CYP2S1: variants seen among roughly 807,000 people sequenced by gnomAD.
CYP2S1 encodes cytochrome P450 family 2 subfamily S member 1.
Under a neutral mutation model 43.5 loss-of-function variants are expected in CYP2S1, and 32 were observed. The ratio of observed to expected loss-of-function variants is 0.74; its 90% CI spans 0.56 to 0.99. CYP2S1 has a LOEUF of 0.99. Ranked by LOEUF, CYP2S1 falls within the 50% of genes least tolerant of loss-of-function variation. The probability of loss-of-function intolerance (pLI) is 0.00; values close to 1 mark genes in which losing one functional copy is unlikely to be tolerated. For missense variants in CYP2S1, 575 were observed against 673.9 expected (o/e 0.85, Z 1.62); for synonymous variants, 283 against 302.9 (o/e 0.93, Z 0.68).
At chr19:41,205,325 CCTTTCTTTCTTTCTTTTTTTCTTT>C (rs1485459932) in intron 7 of CYP2S1, among the ~76,000 whole-genome samples, 99 of 116,406 alleles carry the variant, frequency 8.5e-4, no homozygotes, top group South Asian at 5.0e-3. Flanking sequence ...CTATTCTTTG[CCTTTCTTTCTTTCTTTTTTTCTTT>C]CTTTCTTTCT....
intron 1 of CYP2S1, 106 bp from the exon 2 acceptor site, chr19:41,194,438 C>T (rs338600): frequency 0.72 from 999,811 of 1,382,760 alleles, 362,348 homozygotes; most frequent in Middle Eastern, 0.8. Context: ...TGGTAGAGGG[C>T]GTAGAAGCTA....
Position 41,206,060 on chromosome 19 carries a change from C to A in CYP2S1, c.1267C>A (p.Arg423=), listed in dbSNP as rs759226367. 1 of 1,614,088 alleles carries A rather than the reference C, an allele frequency of 6.2e-7. No homozygotes were observed. The highest frequency in any genetic ancestry group is 2.2e-5 in the East Asian group (1 of 44,852). Residue 423 remains arginine, a synonymous_variant, in exon 8 of 9, where the codon CGG becomes AGG. Coordinates refer to ENST00000310054, the MANE Select transcript of CYP2S1 (RefSeq NM_030622.8). ...AGACCGTTTCCTGGATGCAGATGGA[C>A]GGTTCAGGAAGCATGAGGCGTTCCT... is the stretch of plus-strand genomic sequence containing the variant. ...NPDRFLDADG[R]FRKHEAFLPF...
rs200261766 is a variant in CYP2S1, at chr19:41,206,663, A to C, written c.*175A>C. On this transcript the variant is annotated 3_prime_UTR_variant, in exon 9 of 9. Transcript: ENST00000310054. ...ACACGCTCACTTGACTCATGCTGCT[A>C]AGATGCACAACCGCACACCCATACA... 186 of 858,270 alleles carry C rather than the reference A, an allele frequency of 2.2e-4. 1 individual carries two copies. In the African/African-American group the frequency reaches 2.3e-3, roughly 11 times the overall value. The allele number at this position is 858,270 out of a possible 1,614,324, so 53.2% of individuals were successfully genotyped here.
rs1032112703 is a variant in CYP2S1, at chr19:41,205,971, TC to T, written c.1183del (p.Leu395SerfsTer41). The T allele has an allele frequency of 2.5e-6, 4 of 1,613,712 alleles. No homozygotes were observed. Among genetic ancestry groups the T allele is most frequent in the African/African-American group, 2.7e-5 (2 of 74,830 alleles). On this transcript the variant is annotated frameshift_variant, in exon 8 of 9. Transcript: ENST00000310054. LOFTEE classifies it high-confidence loss of function. ...ATTTCCCCTCAGGGCACGGAGGTCTTCCCCCTCCTTGGCTCCATCCTGCATG... is the reference window on the plus strand; with the variant it reads ...ATTTCCCCTCAGGGCACGGAGGTCTTCCCCTCCTTGGCTCCATCCTGCATG... ...GYTLPQGTEV[F>X]PLLGSILHDP...
intron 6 of CYP2S1, among the ~76,000 whole-genome samples, chr19:41,202,711 G>T (rs779539370): frequency 6.6e-6 from 1 of 151,872 alleles, no homozygotes; most frequent in Non-Finnish European, 1.5e-5. Flanking sequence ...GATCACCTGA[G>T]CCCAGGAGGT....
chr19:41,193,582 C>G, intron 1 of CYP2S1, 141 bp downstream of exon 1: 1 of 1,333,266 alleles, frequency 7.5e-7, no homozygotes, highest in African/African-American at 1.5e-5. Flanking sequence ...TGCTGCTGTC[C>G]TGGGGTTGGG....
chr19:41,203,415 C>T, intron 6 of CYP2S1, 35 bp from the exon 7 acceptor site: 1 of 1,547,264 alleles, frequency 6.5e-7, no homozygotes, highest in South Asian at 1.2e-5. Flanking sequence ...CTGGGCCCTA[C>T]CCCCGTCTGA....
intron 2 of CYP2S1, among the ~76,000 whole-genome samples, chr19:41,196,497 G>T (rs2033414707): frequency 6.6e-6 from 1 of 152,130 alleles, no homozygotes; most frequent in Non-Finnish European, 1.5e-5. Context: ...GAGGATCCAG[G>T]GTGATGGGGA....
chr19:41,194,084 C>G (rs186344857), intron 1 of CYP2S1, among the ~76,000 whole-genome samples: 1 of 151,822 alleles, frequency 6.6e-6, no homozygotes, highest in East Asian at 1.9e-4. Flanking sequence ...GTTTCCCATT[C>G]AAAAGGATTC....
chr19:41,193,299 C>A lies in CYP2S1; in HGVS notation c.35C>A (p.Ala12Glu). Reference sequence around the variant, plus strand: ...ACCGGCACCTGGGCGCTGCTGCTGGCGCTGGCGCTGCTCCTGCTGCTGACG... The same window carrying A: ...ACCGGCACCTGGGCGCTGCTGCTGGAGCTGGCGCTGCTCCTGCTGCTGACG... ...EATGTWALLL[A>E]LALLLLLTLA... is the part of the protein sequence containing the mutation. Residue 12 changes from alanine to glutamate, a missense_variant, in exon 1 of 9, where the codon GCG (alanine) becomes GAG (glutamate). This residue lies in a region of CYP2S1 where 353 missense variants were observed against 367.6 expected (regional missense o/e 0.96). Coordinates refer to ENST00000310054, the MANE Select transcript of CYP2S1 (RefSeq NM_030622.8). 2.6e-6 allele frequency: 4 copies of A among 1,541,544 alleles called. No homozygotes were observed. Among genetic ancestry groups the A allele is most frequent in the Non-Finnish European group, 3.5e-6 (4 of 1,144,712 alleles).
At chr19:41,196,492 T>G (rs1458424960) in intron 2 of CYP2S1, among the ~76,000 whole-genome samples, 3 of 151,654 alleles carry the variant, frequency 2.0e-5, no homozygotes, top group East Asian at 3.9e-4. Context: ...ATAGGGAGGA[T>G]CCAGGGTGAT....
At position 41,206,277 on chromosome 19, in the gene CYP2S1, C is replaced by G. The variant is rs1568402970; in HGVS notation, c.1307-3C>G. 6.2e-7 allele frequency: 1 copy of G among 1,613,966 alleles called. No homozygotes were observed. The highest frequency in any genetic ancestry group is 2.2e-5 in the East Asian group (1 of 44,856). ...GCCCTCTCTCTCTCTCTCTCCTCACCAGGGAAGCGTGTCTGCCTTGGAGAG... is the reference window on the plus strand; with the variant it reads ...GCCCTCTCTCTCTCTCTCTCCTCACGAGGGAAGCGTGTCTGCCTTGGAGAG... On this transcript the variant is annotated splice_region_variant and splice_polypyrimidine_tract_variant and intron_variant, in intron 8 of 8. Coordinates refer to ENST00000310054, the MANE Select transcript of CYP2S1 (RefSeq NM_030622.8).
chr19:41,197,322 A>G (rs1345374060), intron 2 of CYP2S1, among the ~76,000 whole-genome samples: 1 of 152,164 alleles, frequency 6.6e-6, no homozygotes, highest in Non-Finnish European at 1.5e-5. Flanking sequence ...TTTATTGAGC[A>G]CCTACTGAGT....
rs781702795 is a variant in CYP2S1, at chr19:41,203,474, G to C, written c.1001G>C (p.Arg334Pro). 2 of 1,607,564 alleles carry C rather than the reference G, an allele frequency of 1.2e-6. No homozygotes were observed. The highest frequency in any genetic ancestry group is 1.7e-5 in the Admixed American group (1 of 59,298). Residue 334 changes from arginine (R) to proline (P), a missense_variant, in exon 7 of 9, where the codon CGG (arginine) becomes CCG (proline). This residue lies in a region of CYP2S1 where 222 missense variants were observed against 306.3 expected (regional missense o/e 0.72). Coordinates refer to ENST00000310054, the MANE Select transcript of CYP2S1 (RefSeq NM_030622.8). ...VQKWVREELN[R>P]ELGAGQAPSL... ...GAGTGGGTACGTGAGGAGCTGAATC[G>C]GGAGCTGGGGGCTGGCCAGGCACCA...
intron 6 of CYP2S1, among the ~76,000 whole-genome samples, chr19:41,202,370 A>G (rs1458635231): frequency 2.6e-5 from 4 of 152,134 alleles, no homozygotes; most frequent in Admixed American, 6.6e-5. Context: ...AGGTCCTGGT[A>G]GTGTTGCAGG....
At chr19:41,205,405 T>TC in intron 7 of CYP2S1, among the ~76,000 whole-genome samples, 4 of 93,622 alleles carry the variant, frequency 4.3e-5, no homozygotes, top group African/African-American at 2.6e-4. Context: ...TCTTTCTCTC[T>TC]TTCTTTCTTT....
In CYP2S1 at chr19:41,198,043, G is replaced by A. The variant is rs545997724; in HGVS notation, c.493+115G>A. The A allele has an allele frequency of 6.4e-6, 9 of 1,403,508 alleles. No homozygotes were observed. In the African/African-American group the frequency reaches 1.2e-4, roughly 18 times the overall value. The allele number at this position is 1,403,508 out of a possible 1,614,324, so 86.9% of individuals were successfully genotyped here. ...TGGAATGGGCAGGAGGGGAAGCCTT[G>A]AACTCTAGGGCTGGCCTGGGGGTTC... On this transcript the variant is annotated intron_variant, in intron 3 of 8. Coordinates refer to ENST00000310054, the MANE Select transcript of CYP2S1 (RefSeq NM_030622.8). The surrounding 1 kb of genome is among the most constrained non-coding windows in gnomAD (Gnocchi z 4.9).
intron 7 of CYP2S1, among the ~76,000 whole-genome samples, chr19:41,205,727 G>A (rs1313300223): frequency 6.6e-6 from 1 of 151,800 alleles, no homozygotes; most frequent in Non-Finnish European, 1.5e-5. Flanking sequence ...TTGTTATATT[G>A]CCCAGGCTGG....
Position 41,198,389 on chromosome 19 carries a change from T to C in CYP2S1, c.494-73T>C. On this transcript the variant is annotated intron_variant, in intron 3 of 8. Coordinates refer to ENST00000310054, the MANE Select transcript of CYP2S1 (RefSeq NM_030622.8). The surrounding 1 kb of genome is among the most constrained non-coding windows in gnomAD (Gnocchi z 4.9). ...CCCTGCCTCCCTGTCTCTCTCTGGT[T>C]GGGTTCAGCTCCAACCTGCTCCCCT... The C allele has an allele frequency of 6.4e-7, 1 of 1,572,122 alleles. No homozygotes were observed. Among genetic ancestry groups the C allele is most frequent in the Non-Finnish European group, 8.6e-7 (1 of 1,157,930 alleles).
Sources: gnomAD v4.1 joint callset for allele counts (sites outside exome capture counted in the v4.1 genomes callset) on GRCh38, gnomAD v4.1.1 for gene constraint, gnomAD v4.1.1 regional missense constraint, Gnocchi (gnomAD v3.1) non-coding constraint, MANE v1.5 for transcripts, NCBI Gene and HGNC (gene_info 2026-07-23, HGNC 2026-07-21) for gene names.